Variants in RIMS1 observed in about 807,000 individuals in gnomAD.
The protein encoded by RIMS1 is regulating synaptic membrane exocytosis 1.
In RIMS1, 83 loss-of-function variants were observed where a neutral mutation model predicts 214.1. The ratio of observed to expected loss-of-function variants is 0.39; its 90% CI spans 0.32 to 0.47. The LOEUF (loss-of-function observed/expected upper bound fraction) is 0.47, where lower values mean the gene tolerates loss of function less well. Among genes scored for constraint, RIMS1 ranks in the 20% least tolerant of loss-of-function variants. The probability of loss-of-function intolerance (pLI) is 0.99; values close to 1 mark genes in which losing one functional copy is unlikely to be tolerated. For synonymous variants in RIMS1, 793 were observed against 786.8 expected (o/e 1.01, Z -0.13); for missense variants, 2,050 against 2,161.8 (o/e 0.95, Z 1.03).
At chr6:72,246,202 C>G (rs1234110686) in intron 11 of RIMS1, among the ~76,000 whole-genome samples, 1 of 152,124 alleles carries the variant, frequency 6.6e-6, no homozygotes, top group African/African-American at 2.4e-5. Flanking sequence ...AGTTTGATTG[C>G]TAAGCAGCTC....
rs2098839348 is a variant in RIMS1, at chr6:72,402,231, T to G, written c.*1517T>G. On this transcript the variant is annotated 3_prime_UTR_variant, in exon 34 of 34. Transcript: ENST00000521978. Reference sequence around the variant, plus strand: ...TATGTTAGTTCCACATAGGCCAGCTTGTATGTTGCATGTACTTGTACAGTT... The same window carrying G: ...TATGTTAGTTCCACATAGGCCAGCTGGTATGTTGCATGTACTTGTACAGTT... 6.6e-6 allele frequency: 1 copy of G among 152,636 alleles called. No homozygotes were observed. The highest frequency in any genetic ancestry group is 2.1e-4 in the South Asian group (1 of 4,834). 9.5% of individuals were successfully genotyped at this position (152,636 alleles called of 1,614,324 possible).
chr6:72,219,615 G>T (rs1398063403), intron 6 of RIMS1, among the ~76,000 whole-genome samples: 2 of 151,766 alleles, frequency 1.3e-5, no homozygotes, highest in Non-Finnish European at 2.9e-5. Context: ...TTTAACAAAT[G>T]TATTTCAATA....
At chr6:72,068,101 C>T (rs957215828) in intron 2 of RIMS1, among the ~76,000 whole-genome samples, 34 of 152,216 alleles carry the variant, frequency 2.2e-4, no homozygotes, top group African/African-American at 7.9e-4. Flanking sequence ...GCCAGTGACT[C>T]TTCTTTTTCA....
intron 2 of RIMS1, among the ~76,000 whole-genome samples, chr6:71,989,754 G>A (rs1036226337): frequency 6.6e-6 from 1 of 152,154 alleles, no homozygotes; most frequent in African/African-American, 2.4e-5. Context: ...AGAACAGTTA[G>A]TTAGAAAGAT....
chr6:72,222,116 C>T (rs543545718), intron 6 of RIMS1, among the ~76,000 whole-genome samples: 23 of 151,900 alleles, frequency 1.5e-4, no homozygotes, highest in African/African-American at 5.1e-4. Context: ...AAATAATATT[C>T]AATTTAATTT....
At chr6:72,004,204 A>G (rs1806482154) in intron 2 of RIMS1, among the ~76,000 whole-genome samples, 1 of 151,560 alleles carries the variant, frequency 6.6e-6, no homozygotes, top group African/African-American at 2.4e-5. Flanking sequence ...TGAACTCATC[A>G]TTTTTTATGG....
intron 1 of RIMS1, among the ~76,000 whole-genome samples, chr6:71,915,199 C>T (rs919950297): frequency 9.9e-5 from 15 of 152,086 alleles, no homozygotes; most frequent in African/African-American, 3.6e-4. Context: ...TTTCTATTTA[C>T]AGTTATACTG....
At chr6:71,999,637 A>G (rs927151882) in intron 2 of RIMS1, among the ~76,000 whole-genome samples, 1 of 152,152 alleles carries the variant, frequency 6.6e-6, no homozygotes, top group Non-Finnish European at 1.5e-5. Context: ...TGAGGTAAGA[A>G]GGTGTAATTC....
In RIMS1 at chr6:72,344,941, G is replaced by A. The variant is rs192536853; in HGVS notation, c.4366+11106G>A. 1.2e-3 allele frequency among the ~76,000 whole-genome samples: 179 copies of A among 151,798 alleles called. 3 individuals are homozygous for A. Among genetic ancestry groups the A allele is most frequent in the Middle Eastern group, 6.8e-3 (2 of 294 alleles). ...TGGAATTAATTTTTATAATTAATTT[G>A]TATTTCAGGGTTTGGAGGAGGGAAG... On this transcript the variant is annotated intron_variant, in intron 29 of 33. Transcript: ENST00000521978.
Position 72,095,256 on chromosome 6 carries a change from C to A in RIMS1, c.246-1693C>A, listed in dbSNP as rs183961588. On this transcript the variant is annotated intron_variant, in intron 2 of 33. Coordinates refer to ENST00000521978, the MANE Select transcript of RIMS1 (RefSeq NM_014989.7). ...GGGATTACAGGCGTGAGCCACCGCGCCCAGCCCTTCCTTAAAATAATTTTC... is the reference window on the plus strand; with the variant it reads ...GGGATTACAGGCGTGAGCCACCGCGACCAGCCCTTCCTTAAAATAATTTTC... Among the ~76,000 whole-genome samples the A allele has an allele frequency of 1.7e-3, 253 of 152,020 alleles. 3 individuals carry two copies. Among genetic ancestry groups the A allele is most frequent in the East Asian group, 3.9e-4 (2 of 5,160 alleles).
chr6:72,060,205 G>C (rs950587975), intron 2 of RIMS1, among the ~76,000 whole-genome samples: 1 of 151,926 alleles, frequency 6.6e-6, no homozygotes, highest in African/African-American at 2.4e-5. Flanking sequence ...CCGACCTCAG[G>C]TGATCCACCC....
intron 2 of RIMS1, among the ~76,000 whole-genome samples, chr6:72,074,216 T>A (rs565607939): frequency 1.3e-5 from 2 of 152,288 alleles, no homozygotes; most frequent in South Asian, 4.1e-4. Flanking sequence ...GCTAAAGGGA[T>A]TCATGAAATA....
chr6:71,954,185 T>TA (rs1454496236), intron 1 of RIMS1, among the ~76,000 whole-genome samples: 1 of 152,220 alleles, frequency 6.6e-6, no homozygotes, highest in Admixed American at 6.5e-5. Flanking sequence ...TCGTAAGATA[T>TA]ATGATATAAG....
At chr6:72,187,412 T>G (rs983409063) in intron 6 of RIMS1, among the ~76,000 whole-genome samples, 1 of 151,940 alleles carries the variant, frequency 6.6e-6, no homozygotes, top group Non-Finnish European at 1.5e-5. Flanking sequence ...TATTTTTCCC[T>G]GAGGTAATAA....
At chr6:72,144,503 A>T (rs550505170) in intron 4 of RIMS1, among the ~76,000 whole-genome samples, 3 of 152,182 alleles carry the variant, frequency 2.0e-5, no homozygotes, top group Non-Finnish European at 4.4e-5. Context: ...GAGGATAAAG[A>T]CAGCTCAAAA....
chr6:72,241,105 G>A (rs1456601982), intron 9 of RIMS1, among the ~76,000 whole-genome samples: 1 of 152,130 alleles, frequency 6.6e-6, no homozygotes, highest in East Asian at 1.9e-4. Flanking sequence ...ACTCTTCAGT[G>A]AGCAAACAAT....
At position 71,949,237 on chromosome 6, in the gene RIMS1, G is replaced by T. The variant is rs906580514; in HGVS notation, c.165-19746G>T. The stretch of plus-strand genomic sequence containing the variant: ...CTCTGATCTCAGTACCCTATATTAG[G>T]ATGTATAATTTTTGGGGACATCACC... On this transcript the variant is annotated intron_variant, in intron 1 of 33. Transcript: ENST00000521978. Among the ~76,000 whole-genome samples the T allele has an allele frequency of 6.6e-5, 10 of 152,236 alleles. No homozygotes were observed. The South Asian group carries it at 8.3e-4, about 13-fold the overall frequency.
intron 2 of RIMS1, among the ~76,000 whole-genome samples, chr6:72,008,062 G>A (rs915149649): frequency 4.6e-5 from 7 of 152,160 alleles, no homozygotes; most frequent in East Asian, 1.9e-4. Context: ...AATGTTAAGG[G>A]TTGCCAGAGA....
intron 2 of RIMS1, among the ~76,000 whole-genome samples, chr6:71,979,738 C>A (rs187438836): frequency 6.6e-6 from 1 of 151,994 alleles, no homozygotes; most frequent in Non-Finnish European, 1.5e-5. Context: ...TATTCCATGA[C>A]ATACTACCCC....
Sources: gnomAD v4.1 joint callset for allele counts (sites outside exome capture counted in the v4.1 genomes callset) on GRCh38, gnomAD v4.1.1 for gene constraint, MANE v1.5 for transcripts, NCBI Gene and HGNC (gene_info 2026-07-23, HGNC 2026-07-21) for gene names.